The following RORA variants were observed in gnomAD, a reference collection of about 807,000 sequenced individuals.
The protein encoded by RORA is nuclear receptor ROR-alpha.
Under a neutral mutation model 69.5 loss-of-function variants are expected in RORA, and 7 were observed. The observed-to-expected ratio is 0.10, with a 90% confidence interval of 0.06 to 0.19. The LOEUF (loss-of-function observed/expected upper bound fraction) is 0.19. Among genes scored for constraint, RORA ranks in the 10% least tolerant of loss-of-function variants. RORA has a pLI of 1.00. For synonymous variants in RORA, 261 were observed against 240.8 expected (o/e 1.08, Z -0.78); for missense variants, 457 against 663.0 (o/e 0.69, Z 3.41).
intron 1 of RORA, among the ~76,000 whole-genome samples, chr15:60,754,981 T>C (rs528607925): frequency 7.3e-6 from 1 of 137,212 alleles, no homozygotes; most frequent in Non-Finnish European, 1.6e-5. Context: ...GAGAGCTGAG[T>C]CTTTTTTTTT....
intron 1 of RORA, among the ~76,000 whole-genome samples, chr15:61,105,329 T>C (rs977859221): frequency 1.3e-5 from 2 of 152,182 alleles, no homozygotes; most frequent in South Asian, 4.1e-4. Flanking sequence ...TGTGATTTGT[T>C]CCAACACGGA....
chr15:60,715,841 TAGTTCAAGTCATC>T (rs1207404927), intron 1 of RORA, among the ~76,000 whole-genome samples: 1 of 152,168 alleles, frequency 6.6e-6, no homozygotes, highest in Non-Finnish European at 1.5e-5. Context: ...ATCCATTTTC[TAGTTCAAGTCATC>T]AGTCTTAAAA....
At chr15:61,104,106 C>T (rs1270490187) in intron 1 of RORA, among the ~76,000 whole-genome samples, 3 of 152,288 alleles carry the variant, frequency 2.0e-5, no homozygotes, top group African/African-American at 7.2e-5. Context: ...TCTCATCTCC[C>T]CTTCCACCCA....
At chr15:60,596,976 A>G (rs1482429281) in intron 2 of RORA, among the ~76,000 whole-genome samples, 4 of 152,154 alleles carry the variant, frequency 2.6e-5, no homozygotes, top group African/African-American at 7.2e-5. Context: ...ATCAAACAAG[A>G]ATAAGACAGT....
intron 1 of RORA, among the ~76,000 whole-genome samples, chr15:60,826,376 G>A (rs1440006182): frequency 6.6e-6 from 1 of 152,138 alleles, no homozygotes; most frequent in Non-Finnish European, 1.5e-5. Context: ...TTGGGTCCCG[G>A]GTGCTAAAAA....
chr15:60,761,392 G>A (rs899415835), intron 1 of RORA, among the ~76,000 whole-genome samples: 11 of 152,030 alleles, frequency 7.2e-5, no homozygotes, highest in African/African-American at 2.7e-4. Context: ...AGGCACTTTA[G>A]GATCCTGTAG....
At position 61,197,421 on chromosome 15, in the gene RORA, G is replaced by A. The variant is rs768493275; in HGVS notation, c.166+31632C>T. Among the ~76,000 whole-genome samples the A allele has an allele frequency of 2.4e-4, 36 of 152,158 alleles. 1 individual carries two copies. Among genetic ancestry groups the A allele is most frequent in the Admixed American group, 1.0e-3 (16 of 15,286 alleles). On this transcript the variant is annotated intron_variant, in intron 1 of 10. Transcript: ENST00000335670. ...CGCGGCCTGAGTTCTAAGCACCGCC[G>A]GTCATGTGGCTCACGAGGAGCCCAT... is the stretch of plus-strand genomic sequence containing the variant.
intron 1 of RORA, among the ~76,000 whole-genome samples, chr15:61,124,368 C>T (rs951853641): frequency 2.0e-5 from 3 of 152,262 alleles, no homozygotes; most frequent in East Asian, 3.9e-4. Flanking sequence ...AAAATGGATG[C>T]AGTTGGAGGC....
chr15:60,775,522 C>A (rs1595705518), intron 1 of RORA, among the ~76,000 whole-genome samples: 1 of 152,174 alleles, frequency 6.6e-6, no homozygotes, highest in East Asian at 1.9e-4. Context: ...AAATTTAGTT[C>A]TGATAAAAAT....
intron 2 of RORA, among the ~76,000 whole-genome samples, chr15:60,669,018 T>G (rs983118798): frequency 1.3e-5 from 2 of 152,184 alleles, no homozygotes; most frequent in Admixed American, 1.3e-4. Context: ...GGGGTTTAAA[T>G]TTTTATAAAG....
chr15:60,564,574 C>T (rs1165853969), intron 2 of RORA, among the ~76,000 whole-genome samples: 1 of 152,104 alleles, frequency 6.6e-6, no homozygotes, highest in Non-Finnish European at 1.5e-5. Flanking sequence ...TGTTCTAAGT[C>T]TGCTGGGCTA....
At chr15:61,144,986 A>C (rs991797969) in intron 1 of RORA, among the ~76,000 whole-genome samples, 1 of 152,162 alleles carries the variant, frequency 6.6e-6, no homozygotes, top group South Asian at 2.1e-4. Flanking sequence ...AGGAAATCTG[A>C]ACAGGAATTT....
chr15:61,161,841 TCCAAA>T (rs2079498709), intron 1 of RORA, among the ~76,000 whole-genome samples: 1 of 152,024 alleles, frequency 6.6e-6, no homozygotes, highest in Non-Finnish European at 1.5e-5. Context: ...ACTCATGGGG[TCCAAA>T]TAAAAATACA....
At chr15:60,673,591 T>A (rs1172408146) in intron 2 of RORA, among the ~76,000 whole-genome samples, 3 of 152,370 alleles carry the variant, frequency 2.0e-5, no homozygotes, top group Admixed American at 6.5e-5. Context: ...GATCACAATA[T>A]GAGAATCCTC....
At chr15:61,010,620 T>C (rs923030369) in intron 1 of RORA, among the ~76,000 whole-genome samples, 1 of 152,176 alleles carries the variant, frequency 6.6e-6, no homozygotes, top group African/African-American at 2.4e-5. Context: ...ACTAGCAGAT[T>C]ATAGAAAACA....
At chr15:60,842,140 C>T (rs1004934271) in intron 1 of RORA, among the ~76,000 whole-genome samples, 2 of 152,106 alleles carry the variant, frequency 1.3e-5, no homozygotes, top group Admixed American at 6.5e-5. Context: ...GTGTTTTCCA[C>T]CCCCTTCCCT....
chr15:61,069,533 T>G (rs1039119854), intron 1 of RORA, among the ~76,000 whole-genome samples: 1 of 152,162 alleles, frequency 6.6e-6, no homozygotes, highest in Non-Finnish European at 1.5e-5. Context: ...GCTGGAATTG[T>G]TCAGCTGTGT....
intron 1 of RORA, among the ~76,000 whole-genome samples, chr15:60,875,503 C>G (rs531509515): frequency 5.3e-5 from 8 of 152,242 alleles, no homozygotes; most frequent in Non-Finnish European, 1.0e-4. Flanking sequence ...CTTCCTGGAT[C>G]TCGGTAAATC....
chr15:60,625,450 A>G (rs1191028423), intron 2 of RORA, among the ~76,000 whole-genome samples: 3 of 152,212 alleles, frequency 2.0e-5, no homozygotes, highest in Non-Finnish European at 2.9e-5. Flanking sequence ...ACTATTCCGC[A>G]TCTAGGAATT....
Sources: gnomAD v4.1 joint callset for allele counts (sites outside exome capture counted in the v4.1 genomes callset) on GRCh38, gnomAD v4.1.1 for gene constraint, MANE v1.5 for transcripts, NCBI Gene and HGNC (gene_info 2026-07-23, HGNC 2026-07-21) for gene names.